PSTPIP2: variants seen among roughly 807,000 people sequenced by gnomAD.
The protein encoded by PSTPIP2 is proline-serine-threonine phosphatase interacting protein 2.
Under a neutral mutation model 63.3 loss-of-function variants are expected in PSTPIP2, and 33 were observed. The observed-to-expected ratio is 0.52, with a 90% CI of 0.40 to 0.70. The LOEUF (loss-of-function observed/expected upper bound fraction) is 0.70, where lower values mean the gene tolerates loss of function less well. Among genes scored for constraint, PSTPIP2 ranks in the 30% least tolerant of loss-of-function variants. The probability of loss-of-function intolerance (pLI) is 0.00; values close to 1 mark genes in which losing one functional copy is unlikely to be tolerated. For synonymous variants in PSTPIP2, 125 were observed against 132.7 expected, an observed-to-expected ratio of 0.94 and a Z score of 0.40; for missense variants, 312 against 400.7, an observed-to-expected ratio of 0.78 and a Z score of 1.89.
At chr18:45,988,276 A>G (rs1482540269) in intron 14 of PSTPIP2, among the ~76,000 whole-genome samples, 1 of 148,662 alleles carries the variant, frequency 6.7e-6, no homozygotes, top group African/African-American at 2.6e-5. Context: ...TACTGAAAAT[A>G]CAAAAAATAT....
chr18:46,028,942 G>A (rs1043889873), intron 2 of PSTPIP2: 3 of 1,304,042 alleles, frequency 2.3e-6, no homozygotes, highest in African/African-American at 2.9e-5. Context: ...GCATGGTAAT[G>A]CTGAACGTCC....
Position 45,998,675 on chromosome 18 carries a change from G to A in PSTPIP2, c.562+119C>T, listed in dbSNP as rs2051630489. On this transcript the variant is annotated intron_variant, in intron 8 of 14. Coordinates refer to ENST00000409746, the MANE Select transcript of PSTPIP2 (RefSeq NM_024430.4). Reference sequence around the variant, plus strand: ...TCCCTTCAGATATCTCACTAATCCTGCTGAATATCCATATATTCTCTCTTT... The same window carrying A: ...TCCCTTCAGATATCTCACTAATCCTACTGAATATCCATATATTCTCTCTTT... 6 of 984,538 alleles carry A rather than the reference G, an allele frequency of 6.1e-6. 1 individual carries two copies. In the South Asian group the frequency reaches 1.1e-4, roughly 18 times the overall value. 61.0% of individuals were successfully genotyped at this position (984,538 alleles called of 1,614,324 possible). A position where few individuals can be genotyped will look rare whatever the true frequency, so the allele number is the denominator to read the frequency against.
At chr18:46,017,956 C>T (rs971724046) in intron 3 of PSTPIP2, among the ~76,000 whole-genome samples, 2 of 152,024 alleles carry the variant, frequency 1.3e-5, no homozygotes, top group African/African-American at 4.8e-5. Flanking sequence ...TTTTTGAATT[C>T]CCTCTTCAAT....
chr18:46,017,201 T>A (rs533130622), intron 3 of PSTPIP2, among the ~76,000 whole-genome samples: 18 of 152,302 alleles, frequency 1.2e-4, no homozygotes, highest in Middle Eastern at 3.4e-3. Flanking sequence ...AATTATTTCC[T>A]CTCAGTATTT....
chr18:46,051,013 C>A (rs2144122197), intron 1 of PSTPIP2, among the ~76,000 whole-genome samples: 1 of 152,222 alleles, frequency 6.6e-6, no homozygotes, highest in East Asian at 1.9e-4. Flanking sequence ...CAGGTACCCA[C>A]CACCACACCT....
Position 45,997,701 on chromosome 18 carries a change from A to ACCTCCCCC in PSTPIP2, c.642+47_642+48insGGGGGAGG. 4 of 332,624 alleles carry ACCTCCCCC rather than the reference A, an allele frequency of 1.2e-5. 1 individual carries two copies. Among genetic ancestry groups the ACCTCCCCC allele is most frequent in the Admixed American group, 3.7e-5 (1 of 27,112 alleles). 20.6% of individuals were successfully genotyped at this position (332,624 alleles called of 1,614,324 possible). On this transcript the variant is annotated intron_variant, in intron 9 of 14. Transcript: ENST00000409746. ...TCCTGAGCAGCTTCCTGTTACACACACCCCCACCCACCCACCCCAGTCCTG... is the reference window on the plus strand; with the variant it reads ...TCCTGAGCAGCTTCCTGTTACACACACCTCCCCCCCCCCACCCACCCACCCCAGTCCTG...
chr18:46,063,818 G>A (rs1909075667), intron 1 of PSTPIP2, among the ~76,000 whole-genome samples: 1 of 152,140 alleles, frequency 6.6e-6, no homozygotes, highest in Non-Finnish European at 1.5e-5. Flanking sequence ...TTTGCTTATT[G>A]AATGAGCAGA....
chr18:45,998,645 C>A (rs2051629772), intron 8 of PSTPIP2, 149 bp downstream of exon 8: 2 of 786,210 alleles, frequency 2.5e-6, no homozygotes, highest in Admixed American at 5.4e-5. Context: ...TCCTTCCTCC[C>A]TTTTTCCCTT....
chr18:46,033,766 G>C (rs1907870285), intron 2 of PSTPIP2, among the ~76,000 whole-genome samples: 1 of 151,356 alleles, frequency 6.6e-6, no homozygotes, highest in African/African-American at 2.4e-5. Flanking sequence ...TAGAGGAAGA[G>C]ATGGGAGTTA....
chr18:46,024,473 A>T lies in PSTPIP2; in HGVS notation c.212+136T>A. The T allele has an allele frequency of 5.5e-6, 4 of 721,250 alleles. No homozygotes were observed. The South Asian group carries it at 6.6e-5, about 12-fold the overall frequency. The allele number at this position is 721,250 out of a possible 1,614,324, so 44.7% of individuals were successfully genotyped here. On this transcript the variant is annotated intron_variant, in intron 3 of 14. Coordinates refer to ENST00000409746, the MANE Select transcript of PSTPIP2 (RefSeq NM_024430.4). ...AGTTTGAGCCCAGCCTGGACAAAATAGTGAGATCCCATCTCCAAAAAAATT... is the reference window on the plus strand; with the variant it reads ...AGTTTGAGCCCAGCCTGGACAAAATTGTGAGATCCCATCTCCAAAAAAATT...
At chr18:46,061,053 C>T (rs188254508) in intron 1 of PSTPIP2, among the ~76,000 whole-genome samples, 2 of 152,142 alleles carry the variant, frequency 1.3e-5, no homozygotes, top group Non-Finnish European at 2.9e-5. Context: ...CCTATAATCC[C>T]GGCACTTCGG....
intron 6 of PSTPIP2, among the ~76,000 whole-genome samples, chr18:45,999,747 T>C (rs1174722497): frequency 6.6e-6 from 1 of 152,152 alleles, no homozygotes; most frequent in Non-Finnish European, 1.5e-5. Context: ...AATTATGTAA[T>C]AGTGGCAACC....
chr18:46,027,273 C>T lies in PSTPIP2; in HGVS notation c.135-2587G>A, dbSNP rs565945269. On this transcript the variant is annotated intron_variant, in intron 2 of 14. Coordinates refer to ENST00000409746, the MANE Select transcript of PSTPIP2 (RefSeq NM_024430.4). ...TCGCACTATTGCACTCCAGCCTGGG[C>T]GACAAGAGCAAAACTCCATCTCAAA... 4.7e-5 allele frequency among the ~76,000 whole-genome samples: 7 copies of T among 147,926 alleles called. No individual in the cohort carries two copies. In the South Asian group the frequency reaches 1.1e-3, roughly 23 times the overall value.
intron 10 of PSTPIP2, among the ~76,000 whole-genome samples, chr18:45,993,112 T>A (rs2051556108): frequency 1.3e-5 from 2 of 152,208 alleles, no homozygotes; most frequent in Non-Finnish European, 2.9e-5. Flanking sequence ...TTTCTTTTTT[T>A]GAGATGGAGT....
rs1224403329 is a variant in PSTPIP2, at chr18:46,040,135, T to C, written c.34-88A>G. ...AGATAAGACAAAAGAGGTGGGAAGC[T>C]GGCCACGGAACGTTGCTGACTCACT... is the stretch of plus-strand genomic sequence containing the variant. On this transcript the variant is annotated intron_variant, in intron 1 of 14. Coordinates refer to ENST00000409746, the MANE Select transcript of PSTPIP2 (RefSeq NM_024430.4). 6 of 1,131,104 alleles carry C rather than the reference T, an allele frequency of 5.3e-6. No homozygotes were observed. The African/African-American group carries it at 9.5e-5, about 18-fold the overall frequency. 70.1% of individuals were successfully genotyped at this position (1,131,104 alleles called of 1,614,324 possible).
intron 1 of PSTPIP2, among the ~76,000 whole-genome samples, chr18:46,067,321 T>C (rs1053014448): frequency 6.6e-6 from 1 of 150,690 alleles, no homozygotes; most frequent in African/African-American, 2.4e-5. Context: ...GCTAACACGG[T>C]GAAACCCCGT....
chr18:46,066,201 G>A (rs556128450), intron 1 of PSTPIP2, among the ~76,000 whole-genome samples: 10 of 152,126 alleles, frequency 6.6e-5, no homozygotes, highest in African/African-American at 1.2e-4. Flanking sequence ...TTAACCAGGC[G>A]TGGTGGCATG....
intron 2 of PSTPIP2, chr18:46,028,948 C>G: frequency 8.2e-7 from 1 of 1,215,196 alleles, no homozygotes; most frequent in Non-Finnish European, 1.2e-6. Flanking sequence ...TAATGCTGAA[C>G]GTCCTTCTGC....
chr18:46,068,401 C>T (rs1909269707), intron 1 of PSTPIP2, among the ~76,000 whole-genome samples: 1 of 152,102 alleles, frequency 6.6e-6, no homozygotes. Context: ...AAGTTCACAG[C>T]ATTCTCCTGC....
Sources: allele counts gnomAD v4.1 joint callset (sites outside exome capture counted in the v4.1 genomes callset), GRCh38; gene constraint gnomAD v4.1.1; transcripts MANE v1.5; gene names NCBI Gene and HGNC (gene_info 2026-07-23, HGNC 2026-07-21).